C11orf65: variants seen among roughly 807,000 people sequenced by gnomAD.
C11orf65 encodes chromosome 11 open reading frame 65, also known as protein MFI.
C11orf65 carries 38 observed loss-of-function variants against 35.3 expected under a neutral mutation model. That is an observed-to-expected ratio of 1.08 (90% CI 0.83 to 1.41). The LOEUF (loss-of-function observed/expected upper bound fraction) is 1.41, where lower values mean the gene tolerates loss of function less well. Ranked by LOEUF, C11orf65 falls within the 40% of genes most tolerant of loss-of-function variation. The pLI, the probability that C11orf65 is intolerant of heterozygous loss-of-function variation, is 0.00. For synonymous variants in C11orf65, 105 were observed against 114.4 expected (o/e 0.92, Z 0.53); for missense variants, 370 against 367.1 (o/e 1.01, Z -0.06).
chr11:108,330,121 A>G (rs559792253), downstream of C11orf65: 68 of 1,432,468 alleles, frequency 4.7e-5, no homozygotes, highest in South Asian at 7.9e-4. Context: ...TAAAAACCCA[A>G]CTTTTTTCAT....
chr11:108,390,039 T>G (rs2092114823), intron 7 of C11orf65, among the ~76,000 whole-genome samples: 1 of 151,396 alleles, frequency 6.6e-6, no homozygotes, highest in Non-Finnish European at 1.5e-5. Flanking sequence ...TATATTTATT[T>G]TTGAGACGGA....
intron 2 of C11orf65, among the ~76,000 whole-genome samples, chr11:108,376,225 T>G (rs1312453354): frequency 6.6e-6 from 1 of 152,048 alleles, no homozygotes; most frequent in Non-Finnish European, 1.5e-5. Flanking sequence ...GACCACATAG[T>G]TGGAAGTAAA....
At chr11:108,314,564 T>C (rs2136097770) in intron 6 of C11orf65, among the ~76,000 whole-genome samples, 2 of 152,250 alleles carry the variant, frequency 1.3e-5, no homozygotes, top group East Asian at 3.9e-4. Flanking sequence ...TCCTGTTGTC[T>C]AGGACCAGTC....
intron 2 of C11orf65, among the ~76,000 whole-genome samples, chr11:108,354,070 A>AACACAC (rs71047689): frequency 0.033 from 3,779 of 114,864 alleles, 130 homozygotes; most frequent in African/African-American, 0.09. Context: ...CACACACACA[A>AACACAC]ACACACACAC....
intron 2 of C11orf65, among the ~76,000 whole-genome samples, chr11:108,342,182 G>A (rs1007666816): frequency 1.3e-5 from 2 of 152,064 alleles, no homozygotes; most frequent in Non-Finnish European, 2.9e-5. Context: ...GTGGCCCAGG[G>A]AATCCAAAAG....
intron 3 of C11orf65, among the ~76,000 whole-genome samples, chr11:108,419,186 C>T (rs964608066): frequency 2.6e-5 from 4 of 152,084 alleles, no homozygotes; most frequent in Admixed American, 1.3e-4. Flanking sequence ...GTAAATTAGA[C>T]GTTCTGCAGG....
downstream of C11orf65, chr11:108,329,388 G>C: frequency 1.3e-6 from 1 of 763,432 alleles, no homozygotes; most frequent in South Asian, 1.9e-5. Context: ...TTGGTCTTTT[G>C]GGTTCTTTTC....
intron 3 of C11orf65, among the ~76,000 whole-genome samples, chr11:108,333,656 A>G (rs987454248): frequency 5.3e-5 from 8 of 152,334 alleles, no homozygotes; most frequent in African/African-American, 1.7e-4. Context: ...AATCTGGTCT[A>G]GTTACCCTTG....
At chr11:108,330,074 C>G (rs1751069079), downstream of C11orf65, 1 of 859,032 alleles carries the variant, frequency 1.2e-6, no homozygotes, top group Non-Finnish European at 1.8e-6. Context: ...AGTTTATTCC[C>G]TTTATAATCC....
intron 2 of C11orf65, among the ~76,000 whole-genome samples, chr11:108,436,675 C>G (rs2093064265): frequency 6.6e-6 from 1 of 152,096 alleles, no homozygotes. Context: ...ACATCATAAT[C>G]AAACTGCTAA....
intron 2 of C11orf65, among the ~76,000 whole-genome samples, chr11:108,358,840 C>A (rs952941699): frequency 6.6e-6 from 1 of 151,024 alleles, no homozygotes; most frequent in Non-Finnish European, 1.5e-5. Flanking sequence ...ACTGCAAAAT[C>A]ATGCCAAAAT....
chr11:108,318,781 CCTAAT>C (rs1210383954), intron 6 of C11orf65, among the ~76,000 whole-genome samples: 4 of 151,994 alleles, frequency 2.6e-5, no homozygotes, highest in African/African-American at 7.3e-5. Flanking sequence ...AAGCCAAGCA[CCTAAT>C]CTAATAAAGG....
At chr11:108,443,550 C>A (rs887987951) in intron 2 of C11orf65, among the ~76,000 whole-genome samples, 3 of 152,126 alleles carry the variant, frequency 2.0e-5, no homozygotes, top group Non-Finnish European at 2.9e-5. Flanking sequence ...GACACCTATC[C>A]CAAAATTGAC....
chr11:108,336,798 G>A (rs1310782947), intron 2 of C11orf65, among the ~76,000 whole-genome samples: 1 of 152,192 alleles, frequency 6.6e-6, no homozygotes, highest in Non-Finnish European at 1.5e-5. Flanking sequence ...TGCCTGAGAA[G>A]ACAATCCTCA....
At chr11:108,469,090 T>TA (rs145269521), upstream of C11orf65, among the ~76,000 whole-genome samples, 1,348 of 151,856 alleles carry the variant, frequency 8.9e-3, 27 homozygotes, top group African/African-American at 0.031. Context: ...GCGCTGCCTG[T>TA]AGTCCCAGCT....
intron 2 of C11orf65, among the ~76,000 whole-genome samples, chr11:108,348,174 G>T (rs1565569058): frequency 6.6e-6 from 1 of 151,694 alleles, no homozygotes; most frequent in Non-Finnish European, 1.5e-5. Context: ...ATTTCTAGGT[G>T]GAATAGACAG....
intron 2 of C11orf65, chr11:108,365,045 A>T (rs2137863475): frequency 6.2e-7 from 1 of 1,605,324 alleles, no homozygotes; most frequent in Non-Finnish European, 8.5e-7. Flanking sequence ...ATTAAAATGT[A>T]CATTGTTCTT....
intron 2 of C11orf65, among the ~76,000 whole-genome samples, chr11:108,454,843 CT>C (rs2093393954): frequency 6.6e-6 from 1 of 152,098 alleles, no homozygotes; most frequent in Non-Finnish European, 1.5e-5. Flanking sequence ...TTTTGTTGAT[CT>C]TTTCTATTGT....
In C11orf65 at chr11:108,467,490, C is replaced by A. The variant is rs969529888; in HGVS notation, c.-29G>T. 2.6e-5 allele frequency: 4 copies of A among 152,396 alleles called. No individual in the cohort carries two copies. The highest frequency in any genetic ancestry group is 5.9e-5 in the Non-Finnish European group (4 of 68,226). 9.4% of individuals were successfully genotyped at this position (152,396 alleles called of 1,614,324 possible). On this transcript the variant is annotated 5_prime_UTR_variant, in exon 1 of 9. Transcript: ENST00000393084. The stretch of plus-strand genomic sequence containing the variant: ...ACCTACCAATCGCTGCTGGCCCGGG[C>A]GCCGCTGGACTCCTAGGTAACGTCG...
Sources: allele counts gnomAD v4.1 joint callset (sites outside exome capture counted in the v4.1 genomes callset), GRCh38; gene constraint gnomAD v4.1.1; transcripts MANE v1.5; gene names NCBI Gene and HGNC (gene_info 2026-07-23, HGNC 2026-07-21).